LIMK1: variants seen among roughly 807,000 people sequenced by gnomAD.
LIMK1 encodes the protein LIM motif-containing protein kinase.
In LIMK1, 21 loss-of-function variants were observed where a neutral mutation model predicts 77.6. The observed-to-expected ratio is 0.27, with a 90% CI of 0.19 to 0.39. The LOEUF (loss-of-function observed/expected upper bound fraction) is 0.39. LIMK1 is among the 10% of genes least tolerant of loss of function. LIMK1 has a pLI of 1.00. For missense variants in LIMK1, 696 were observed against 901.6 expected, an observed-to-expected ratio of 0.77 and a Z score of 2.92; for synonymous variants, 358 against 370.0, an observed-to-expected ratio of 0.97 and a Z score of 0.37.
intron 2 of LIMK1, among the ~76,000 whole-genome samples, chr7:74,087,750 C>T (rs989789153): frequency 7.2e-5 from 11 of 152,120 alleles, no homozygotes; most frequent in South Asian, 2.1e-4. Flanking sequence ...CCACCACGCC[C>T]GGCTAAGTTT....
Position 74,098,813 on chromosome 7 carries a change from T to C in LIMK1, c.402-219T>C, listed in dbSNP as rs146663701. Among the ~76,000 whole-genome samples, 196 of 151,962 alleles carry C rather than the reference T, an allele frequency of 1.3e-3. 1 individual carries two copies. The highest frequency in any genetic ancestry group is 4.4e-3 in the African/African-American group (181 of 41,464). On this transcript the variant is annotated intron_variant, in intron 4 of 15. Coordinates refer to ENST00000336180, the MANE Select transcript of LIMK1 (RefSeq NM_002314.4). ...GAGCCAAGATCACACCACTGCACTT[T>C]TGGACAATTGCTAGCTTTCCTTTTC...
intron 2 of LIMK1, among the ~76,000 whole-genome samples, chr7:74,094,765 G>A (rs1258120573): frequency 3.4e-5 from 5 of 146,556 alleles, no homozygotes; most frequent in African/African-American, 5.1e-5. Flanking sequence ...GTGAACTGCC[G>A]GCCCCCTGCT....
At chr7:74,090,008 C>T (rs1240523024) in intron 2 of LIMK1, among the ~76,000 whole-genome samples, 2 of 151,974 alleles carry the variant, frequency 1.3e-5, no homozygotes, top group Admixed American at 6.6e-5. Flanking sequence ...AAATCACTCA[C>T]CAGGAGAGGG....
chr7:74,114,638 AG>A (rs1554699115), intron 12 of LIMK1, among the ~76,000 whole-genome samples: 1 of 151,858 alleles, frequency 6.6e-6, no homozygotes, highest in African/African-American at 2.4e-5. Flanking sequence ...AAATTAGGCC[AG>A]GCACGGTGGC....
chr7:74,105,667 A>T (rs1799553430), intron 5 of LIMK1, among the ~76,000 whole-genome samples: 1 of 152,138 alleles, frequency 6.6e-6, no homozygotes, highest in African/African-American at 2.4e-5. Context: ...ACCTTTCTCC[A>T]GCTCACACCT....
chr7:74,105,184 C>T (rs1799542301), intron 5 of LIMK1, among the ~76,000 whole-genome samples: 1 of 152,126 alleles, frequency 6.6e-6, no homozygotes, highest in South Asian at 2.1e-4. Flanking sequence ...AAACTCCTGA[C>T]TTCAAGTAAT....
At position 74,111,993 on chromosome 7, in the gene LIMK1, C is replaced by T. The variant is rs368498172; in HGVS notation, c.1405C>T (p.Arg469Cys). ...CCTCAACTCCCACAACTGCCTGGTC[C>T]GCGAGGTGAGTACCAGGGCCCCACG... ...RDLNSHNCLV[R>C]ENKNVVVADF... is the part of the protein sequence containing the mutation. Residue 469 changes from arginine to cysteine, a missense_variant, in exon 12 of 16, where the codon CGC becomes TGC. This residue lies in a region of LIMK1 where 438 missense variants were observed against 602.3 expected (regional missense o/e 0.73). Coordinates refer to ENST00000336180, the MANE Select transcript of LIMK1 (RefSeq NM_002314.4). The T allele has an allele frequency of 4.1e-5, 66 of 1,608,580 alleles. No homozygotes were observed. Among genetic ancestry groups the T allele is most frequent in the South Asian group, 5.5e-5 (5 of 90,534 alleles).
Position 74,120,931 on chromosome 7 carries a change from C to G in LIMK1, c.1663C>G (p.Arg555Gly). Reference sequence around the variant, plus strand: ...GAACGCAGACCCTGACTACCTGCCCCGCACCATGGACTTTGGCCTCAACGT... The same window carrying G: ...GAACGCAGACCCTGACTACCTGCCCGGCACCATGGACTTTGGCCTCAACGT... Reference protein sequence around the residue: ...RVNADPDYLPRTMDFGLNVRG... With the variant: ...RVNADPDYLPGTMDFGLNVRG... The change falls in exon 15 of 16, where the codon CGC becomes GGC. Residue 555 changes from arginine to glycine, a missense_variant. By Grantham distance (125) the Arg-to-Gly change is moderately radical (BLOSUM62 -2). Transcript: ENST00000336180. The G allele has an allele frequency of 6.2e-7, 1 of 1,614,168 alleles. No individual in the cohort carries two copies. Among genetic ancestry groups the G allele is most frequent in the Non-Finnish European group, 8.5e-7 (1 of 1,180,012 alleles).
At chr7:74,097,030 G>C in intron 3 of LIMK1, 50 bp from the exon 4 acceptor site, 23 of 1,409,824 alleles carry the variant, frequency 1.6e-5, no homozygotes, top group Non-Finnish European at 2.2e-5. Flanking sequence ...GATCTGTGGG[G>C]GTTGTTGGGT....
At position 74,115,936 on chromosome 7, in the gene LIMK1, G is replaced by T; in HGVS notation, c.1545G>T (p.Trp515Cys). The T allele has an allele frequency of 6.2e-7, 1 of 1,614,174 alleles. No homozygotes were observed. Among genetic ancestry groups the T allele is most frequent in the African/African-American group, 1.3e-5 (1 of 75,058 alleles). ...KRYTVVGNPY[W>C]MAPEMINGRS... The stretch of plus-strand genomic sequence containing the variant: ...ACACCGTGGTGGGCAACCCCTACTG[G>T]ATGGCACCTGAGATGATCAACGGTG... Residue 515 changes from tryptophan to cysteine, a missense_variant, in exon 13 of 16, where the codon TGG becomes TGT. By Grantham distance (215) the Trp-to-Cys change is radical. Transcript: ENST00000336180.
At chr7:74,118,377 A>ACAC (rs1799861424) in intron 13 of LIMK1, among the ~76,000 whole-genome samples, 1 of 130,046 alleles carries the variant, frequency 7.7e-6, no homozygotes, top group African/African-American at 3.0e-5. Context: ...CTCTGTGTCA[A>ACAC]ACACACACAC....
At chr7:74,118,471 G>A (rs1235813090) in intron 13 of LIMK1, among the ~76,000 whole-genome samples, 1 of 150,218 alleles carries the variant, frequency 6.7e-6, no homozygotes, top group Non-Finnish European at 1.5e-5. Flanking sequence ...AGTCTTAGTG[G>A]CCGGGCGCAG....
At chr7:74,093,794 A>T (rs1799283159) in intron 2 of LIMK1, among the ~76,000 whole-genome samples, 1 of 152,056 alleles carries the variant, frequency 6.6e-6, no homozygotes, top group Non-Finnish European at 1.5e-5. Context: ...CAGCCTCAGT[A>T]CCTGGCGCAC....
At position 74,083,981 on chromosome 7, in the gene LIMK1, C is replaced by T. The variant is rs782597768; in HGVS notation, c.-10C>T. ...CCCAGCCCCGCCGGGCCCCGCCCCC[C>T]GTCGAGTGCATGAGGTTGACGCTAC... On this transcript the variant is annotated 5_prime_UTR_variant, in exon 1 of 16. Transcript: ENST00000336180. 1.5e-6 allele frequency: 2 copies of T among 1,352,042 alleles called. No homozygotes were observed. The highest frequency in any genetic ancestry group is 1.8e-5 in the South Asian group (1 of 56,502). The allele number at this position is 1,352,042 out of a possible 1,614,324, so 83.8% of individuals were successfully genotyped here.
intron 2 of LIMK1, among the ~76,000 whole-genome samples, chr7:74,087,058 G>C (rs141695356): frequency 3.9e-5 from 6 of 152,258 alleles, no homozygotes; most frequent in African/African-American, 1.4e-4. Context: ...CCTTGAGCCA[G>C]AGCAGGGCCA....
At chr7:74,096,520 A>G in intron 2 of LIMK1, 102 bp from the exon 3 acceptor site, 5 of 1,488,762 alleles carry the variant, frequency 3.4e-6, no homozygotes, top group Non-Finnish European at 3.7e-6. Context: ...CAAAAAGAAA[A>G]CTTGTTCTAA....
At position 74,121,037 on chromosome 7, in the gene LIMK1, A is replaced by T; in HGVS notation, c.1769A>T (p.Asp590Val). The change falls in exon 15 of 16, where the codon GAC (aspartate) becomes GTC (valine). Residue 590 changes from aspartate to valine, a missense_variant. Coordinates refer to ENST00000336180, the MANE Select transcript of LIMK1 (RefSeq NM_002314.4). ...FPITVRCCDL[D>V]PEKRPSFVKL... is the part of the protein sequence containing the mutation. Reference sequence around the variant, plus strand: ...ATCACCGTGCGCTGTTGCGATCTGGACCCCGAGAAGAGGTGAGTGGGGTGG... The same window carrying T: ...ATCACCGTGCGCTGTTGCGATCTGGTCCCCGAGAAGAGGTGAGTGGGGTGG... The T allele has an allele frequency of 6.4e-7, 1 of 1,565,018 alleles. No homozygotes were observed. The highest frequency in any genetic ancestry group is 1.7e-4 in the Middle Eastern group (1 of 5,784).
At chr7:74,115,616 C>T (rs987718286) in intron 12 of LIMK1, 186 bp from the exon 13 acceptor site, 45 of 593,376 alleles carry the variant, frequency 7.6e-5, no homozygotes, top group Admixed American at 3.4e-4. Flanking sequence ...AGGTGCTTCC[C>T]GCAGCTCCAT....
intron 1 of LIMK1, among the ~76,000 whole-genome samples, 195 bp from the exon 2 acceptor site, chr7:74,085,553 G>C (rs1247713192): frequency 6.6e-6 from 1 of 152,252 alleles, no homozygotes; most frequent in African/African-American, 2.4e-5. Flanking sequence ...AACCTAGTCA[G>C]TATCTCAGCA....
Sources: gnomAD v4.1 joint callset for allele counts (sites outside exome capture counted in the v4.1 genomes callset) on GRCh38, gnomAD v4.1.1 for gene constraint, gnomAD v4.1.1 regional missense constraint, MANE v1.5 for transcripts, NCBI Gene and HGNC (gene_info 2026-07-23, HGNC 2026-07-21) for gene names.